Variants in KCNH5 observed in about 807,000 individuals in gnomAD.
KCNH5 encodes the protein voltage-gated delayed rectifier potassium channel KCNH5.
Under a neutral mutation model 96.1 loss-of-function variants are expected in KCNH5, and 46 were observed. The observed-to-expected ratio is 0.48, with a 90% CI of 0.38 to 0.61. The LOEUF (loss-of-function observed/expected upper bound fraction) is 0.61, where lower values mean the gene tolerates loss of function less well. KCNH5 is among the 20% of genes least tolerant of loss of function. The pLI is 0.00. For synonymous variants in KCNH5, 439 were observed against 449.8 expected (o/e 0.98, Z 0.30); for missense variants, 907 against 1,225.8 (o/e 0.74, Z 3.88).
intron 8 of KCNH5, among the ~76,000 whole-genome samples, chr14:62,811,409 T>C (rs1042247266): frequency 6.6e-6 from 1 of 152,124 alleles, no homozygotes; most frequent in Non-Finnish European, 1.5e-5. Flanking sequence ...CCACCTAAGC[T>C]TGCCATGTTC....
At chr14:62,794,141 G>A (rs992593566) in intron 9 of KCNH5, among the ~76,000 whole-genome samples, 1 of 151,916 alleles carries the variant, frequency 6.6e-6, no homozygotes, top group African/African-American at 2.4e-5. Context: ...TAGATACTTA[G>A]TAGCTGATTT....
At chr14:62,740,577 G>C (rs1446310000) in intron 10 of KCNH5, among the ~76,000 whole-genome samples, 1 of 152,120 alleles carries the variant, frequency 6.6e-6, no homozygotes, top group African/African-American at 2.4e-5. Flanking sequence ...TGATATTTAA[G>C]AGACATAAGC....
At chr14:62,798,842 G>T (rs1886591480) in intron 9 of KCNH5, among the ~76,000 whole-genome samples, 1 of 152,154 alleles carries the variant, frequency 6.6e-6, no homozygotes, top group African/African-American at 2.4e-5. Context: ...CCAAAAACAT[G>T]AAACTGCACC....
At position 62,707,904 on chromosome 14, in the gene KCNH5, T is replaced by C. The variant is rs1471360114; in HGVS notation, c.2571A>G (p.Pro857=). The change falls in exon 11 of 11, where the codon CCA becomes CCG. Residue 857 remains proline (P), a synonymous_variant. Transcript: ENST00000322893. ...SDSENSVTKN[P]LRKTDSCDSG... ...TGTCACAAGAATCTGTTTTTCTTAG[T>C]GGGTTTTTGGTCACACTGTTCTCTG... The C allele has an allele frequency of 1.2e-6, 2 of 1,614,052 alleles. No individual in the cohort carries two copies. Among genetic ancestry groups the C allele is most frequent in the African/African-American group, 2.7e-5 (2 of 74,912 alleles).
intron 10 of KCNH5, among the ~76,000 whole-genome samples, chr14:62,769,422 T>C (rs1446622282): frequency 6.6e-6 from 1 of 152,218 alleles, no homozygotes; most frequent in East Asian, 1.9e-4. Context: ...AATCGTTTTC[T>C]CTTCAAAGTC....
rs1256343472 is a variant in KCNH5 at position 62,701,169 on chromosome 14, T to C, written c.*6339A>G. 1 of 152,138 alleles carries C rather than the reference T, an allele frequency of 6.6e-6. No homozygotes were observed. Among genetic ancestry groups the C allele is most frequent in the Non-Finnish European group, 1.5e-5 (1 of 68,008 alleles). 9.4% of individuals were successfully genotyped at this position (152,138 alleles called of 1,614,324 possible). A position where few individuals can be genotyped will look rare whatever the true frequency, so the allele number is the denominator to read the frequency against. On this transcript the variant is annotated 3_prime_UTR_variant, in exon 11 of 11. Transcript: ENST00000322893. ...CCAAGTGCTTAGGGGATTGGGTTTG[T>C]AGGTCAGAACCAGAGGTTCTAAACT...
intron 1 of KCNH5, among the ~76,000 whole-genome samples, chr14:63,023,878 A>G (rs1448631537): frequency 6.6e-6 from 1 of 152,184 alleles, no homozygotes; most frequent in East Asian, 1.9e-4. Flanking sequence ...TAAGGAACCA[A>G]TGGGTCAAGG....
At chr14:63,042,976 G>A (rs1332977944) in intron 1 of KCNH5, among the ~76,000 whole-genome samples, 3 of 152,024 alleles carry the variant, frequency 2.0e-5, no homozygotes, top group African/African-American at 7.2e-5. Flanking sequence ...TGCCAAAACA[G>A]ATAAATTTTC....
At chr14:62,883,119 T>G (rs1888526472) in intron 7 of KCNH5, among the ~76,000 whole-genome samples, 1 of 152,232 alleles carries the variant, frequency 6.6e-6, no homozygotes, top group South Asian at 2.1e-4. Flanking sequence ...AGAGTTGCAC[T>G]CATCAATCTG....
At position 62,760,590 on chromosome 14, in the gene KCNH5, C is replaced by T. The variant is rs550325052; in HGVS notation, c.2019+19138G>A. Among the ~76,000 whole-genome samples the T allele has an allele frequency of 8.5e-5, 13 of 152,268 alleles. No individual in the cohort carries two copies. In the East Asian group the frequency reaches 2.5e-3, roughly 29 times the overall value. On this transcript the variant is annotated intron_variant, in intron 10 of 10. Transcript: ENST00000322893. ...ACAAAAGTGTGAACACAGAACATAC[C>T]CGAGTGAAATCAAATGTCAACTTCT... is the stretch of plus-strand genomic sequence containing the variant.
At chr14:63,003,723 C>T (rs1258715519) in intron 3 of KCNH5, among the ~76,000 whole-genome samples, 1 of 147,586 alleles carries the variant, frequency 6.8e-6, no homozygotes, top group African/African-American at 2.5e-5. Context: ...GGGTTCATGC[C>T]ATTCTCCTGC....
intron 7 of KCNH5, among the ~76,000 whole-genome samples, chr14:62,921,266 G>A (rs980398309): frequency 3.9e-5 from 6 of 152,114 alleles, no homozygotes; most frequent in South Asian, 2.1e-4. Flanking sequence ...CTTACCCACT[G>A]ATCCAAAGTA....
chr14:62,985,535 G>A (rs142850512), intron 5 of KCNH5, among the ~76,000 whole-genome samples: 1 of 152,286 alleles, frequency 6.6e-6, no homozygotes, highest in East Asian at 1.9e-4. Flanking sequence ...AATATTTTGT[G>A]AGTGCAAACG....
chr14:62,811,270 T>TTTAA (rs1886868117), intron 8 of KCNH5, among the ~76,000 whole-genome samples: 1 of 152,142 alleles, frequency 6.6e-6, no homozygotes, highest in African/African-American at 2.4e-5. Context: ...TTAAAATATC[T>TTTAA]GATGGCTTGC....
At chr14:62,797,755 G>A (rs748070210) in intron 9 of KCNH5, among the ~76,000 whole-genome samples, 8 of 149,448 alleles carry the variant, frequency 5.4e-5, no homozygotes, top group East Asian at 2.0e-4. Flanking sequence ...TCACTCTGTC[G>A]CCCAGGCTGG....
chr14:63,041,886 G>T (rs1035317681), intron 1 of KCNH5, among the ~76,000 whole-genome samples: 1 of 152,122 alleles, frequency 6.6e-6, no homozygotes, highest in African/African-American at 2.4e-5. Flanking sequence ...ACAGAATACA[G>T]TGCTGGTATT....
chr14:62,715,754 T>C (rs1454863053), intron 10 of KCNH5, among the ~76,000 whole-genome samples: 2 of 150,954 alleles, frequency 1.3e-5, no homozygotes, highest in Non-Finnish European at 2.9e-5. Context: ...GAAGAATTAA[T>C]TAATTAAGTA....
intron 7 of KCNH5, among the ~76,000 whole-genome samples, chr14:62,893,934 T>G (rs1888760480): frequency 6.6e-6 from 1 of 152,212 alleles, no homozygotes; most frequent in South Asian, 2.1e-4. Context: ...CACAGCCACC[T>G]TAACCTTCAG....
At position 63,016,828 on chromosome 14, in the gene KCNH5, T is replaced by C. The variant is rs199592316; in HGVS notation, c.197+3A>G. Reference sequence around the variant, plus strand: ...AAGATTACTTAGCTATTCTGTTACCTACCTGCAAGTGCTGCTTTTCTGCAT... The same window carrying C: ...AAGATTACTTAGCTATTCTGTTACCCACCTGCAAGTGCTGCTTTTCTGCAT... On this transcript the variant is annotated splice_donor_region_variant and intron_variant, in intron 2 of 10. Transcript: ENST00000322893. 73 of 1,605,822 alleles carry C rather than the reference T, an allele frequency of 4.5e-5. No individual in the cohort carries two copies. The highest frequency in any genetic ancestry group is 5.8e-5 in the Non-Finnish European group (68 of 1,176,940).
Sources: gnomAD v4.1 joint callset for allele counts (sites outside exome capture counted in the v4.1 genomes callset) on GRCh38, gnomAD v4.1.1 for gene constraint, MANE v1.5 for transcripts, NCBI Gene and HGNC (gene_info 2026-07-23, HGNC 2026-07-21) for gene names.